The following WSCD2 variants were observed in gnomAD, a reference collection of about 807,000 sequenced individuals.
WSCD2 encodes the protein sialate:O-sulfotransferase 2.
A neutral mutation model predicts 55.7 loss-of-function variants in WSCD2; 28 were observed. That is an observed-to-expected ratio of 0.50 (90% CI 0.37 to 0.69). The LOEUF (loss-of-function observed/expected upper bound fraction) is 0.69, where lower values mean the gene tolerates loss of function less well. WSCD2 is among the 30% of genes least tolerant of loss of function. The probability of loss-of-function intolerance (pLI) is 0.00; values close to 1 mark genes in which losing one functional copy is unlikely to be tolerated. For synonymous variants in WSCD2, 301 were observed against 301.9 expected (o/e 1.00, Z 0.03); for missense variants, 616 against 762.1 (o/e 0.81, Z 2.26).
chr12:108,197,661 T>C (rs1884098456), intron 2 of WSCD2, among the ~76,000 whole-genome samples: 1 of 152,032 alleles, frequency 6.6e-6, no homozygotes, highest in Non-Finnish European at 1.5e-5. Context: ...TATCATCTTA[T>C]AGGTATAGGT....
At chr12:108,169,770 A>G (rs1161059371) in intron 1 of WSCD2, among the ~76,000 whole-genome samples, 1 of 152,176 alleles carries the variant, frequency 6.6e-6, no homozygotes, top group Non-Finnish European at 1.5e-5. Context: ...AAGAAGTCAG[A>G]GAGAGGCTAC....
intron 1 of WSCD2, among the ~76,000 whole-genome samples, chr12:108,165,042 G>A (rs937473753): frequency 6.6e-6 from 1 of 152,204 alleles, no homozygotes; most frequent in African/African-American, 2.4e-5. Context: ...TGGCTGGCAA[G>A]GAGACAGAAG....
chr12:108,196,331 T>C, intron 2 of WSCD2, 117 bp downstream of exon 2: 9 of 1,359,742 alleles, frequency 6.6e-6, no homozygotes, highest in Non-Finnish European at 7.8e-6. Flanking sequence ...CATATCATTG[T>C]AGCTATAAAT....
intron 1 of WSCD2, among the ~76,000 whole-genome samples, chr12:108,179,672 T>C (rs1881410850): frequency 6.6e-6 from 1 of 152,192 alleles, no homozygotes; most frequent in Admixed American, 6.5e-5. Context: ...AAGGAGTGCA[T>C]GTTGCCTCTG....
chr12:108,248,115 G>A lies in WSCD2; in HGVS notation c.1470G>A (p.Gln490=). The A allele has an allele frequency of 6.2e-7, 1 of 1,614,218 alleles. No individual in the cohort carries two copies. The change falls in exon 9 of 9, where the codon CAG becomes CAA. Residue 490 remains glutamine (Q), a synonymous_variant. Coordinates refer to ENST00000547525, the MANE Select transcript of WSCD2 (RefSeq NM_014653.4). The surrounding 1 kb of genome is among the most constrained non-coding windows in gnomAD (Gnocchi z 4.3). ...ACCTGAAGCAGGACCTCTTTGTCCA[G>A]CTGGGCCGGATGGTCAGCCTGCTGG... ...FEDLKQDLFV[Q]LGRMVSLLGV...
In WSCD2 at chr12:108,202,102, C is replaced by T. The variant is rs77133978; in HGVS notation, c.383-4187C>T. ...GATTTGAAGGTGGAGCCCTGAGGAA[C>T]GGCTGAAGAGGATTTTAGCGGGCTG... On this transcript the variant is annotated intron_variant, in intron 2 of 8. Coordinates refer to ENST00000547525, the MANE Select transcript of WSCD2 (RefSeq NM_014653.4). 7.2e-5 allele frequency among the ~76,000 whole-genome samples: 11 copies of T among 152,264 alleles called. No homozygotes were observed. In the East Asian group the frequency reaches 1.5e-3, roughly 21 times the overall value.
intron 7 of WSCD2, among the ~76,000 whole-genome samples, chr12:108,237,472 C>G (rs1889360442): frequency 6.6e-6 from 1 of 152,190 alleles, no homozygotes; most frequent in Non-Finnish European, 1.5e-5. Context: ...GTGTTAAGGA[C>G]AGTGGAGAGG....
chr12:108,210,171 A>G lies in WSCD2; in HGVS notation c.548A>G (p.His183Arg). Residue 183 changes from histidine (H) to arginine (R), a missense_variant, in exon 4 of 9, where the codon CAC (histidine) becomes CGC (arginine). Physicochemically the swap from His to Arg is conservative, Grantham distance 29. Transcript: ENST00000547525. The surrounding 1 kb of genome is among the most constrained non-coding windows in gnomAD (Gnocchi z 4.3). ...LEFGAECYCGHKIQATNVSEA... is the reference protein window; with the variant it reads ...LEFGAECYCGRKIQATNVSEA... ...TTCGGCGCCGAGTGCTACTGCGGCCACAAGATCCAGGCGACGAACGTGAGC... is the reference window on the plus strand; with the variant it reads ...TTCGGCGCCGAGTGCTACTGCGGCCGCAAGATCCAGGCGACGAACGTGAGC... The G allele has an allele frequency of 6.2e-7, 1 of 1,614,116 alleles. No individual in the cohort carries two copies.
At chr12:108,151,150 GC>G (rs1005078768) in intron 1 of WSCD2, among the ~76,000 whole-genome samples, 2 of 152,066 alleles carry the variant, frequency 1.3e-5, no homozygotes, top group Non-Finnish European at 2.9e-5. Flanking sequence ...TGGTCAAACT[GC>G]TGACCTACCA....
chr12:108,175,599 C>G (rs1880725275), intron 1 of WSCD2, among the ~76,000 whole-genome samples: 1 of 152,226 alleles, frequency 6.6e-6, no homozygotes, highest in Admixed American at 6.5e-5. Context: ...AAAATAACCC[C>G]AGTGTTACTG....
intron 1 of WSCD2, among the ~76,000 whole-genome samples, chr12:108,145,533 G>C (rs757812167): frequency 2.6e-5 from 4 of 152,212 alleles, no homozygotes; most frequent in African/African-American, 9.6e-5. Flanking sequence ...ACCCTCATGC[G>C]CTGCTGGTGG....
chr12:108,232,050 G>A (rs1238410029), intron 6 of WSCD2, among the ~76,000 whole-genome samples: 2 of 152,178 alleles, frequency 1.3e-5, no homozygotes, highest in African/African-American at 4.8e-5. Flanking sequence ...ACTATGTCAG[G>A]ACACAGCAAA....
chr12:108,250,171 AGTGTGTGTGTGT>A lies in WSCD2; in HGVS notation c.*1845_*1856del, dbSNP rs372802789. 6.8e-6 allele frequency: 1 copy of A among 146,498 alleles called. No individual in the cohort carries two copies. The highest frequency in any genetic ancestry group is 1.5e-5 in the Non-Finnish European group (1 of 66,590). The allele number at this position is 146,498 out of a possible 1,614,324, so 9.1% of individuals were successfully genotyped here. ...AGGTTCACAAATGGGATGTTTTCCT[AGTGTGTGTGTGT>A]GTGTGTGTGTGTGTGTATGAGAGAG... On this transcript the variant is annotated 3_prime_UTR_variant, in exon 9 of 9. Coordinates refer to ENST00000547525, the MANE Select transcript of WSCD2 (RefSeq NM_014653.4).
rs1324270766 is a variant in WSCD2 at position 108,248,679 on chromosome 12, G to C, written c.*336G>C. 2 of 1,060,822 alleles carry C rather than the reference G, an allele frequency of 1.9e-6. No homozygotes were observed. Among genetic ancestry groups the C allele is most frequent in the Non-Finnish European group, 2.3e-6 (2 of 875,546 alleles). 65.7% of individuals were successfully genotyped at this position (1,060,822 alleles called of 1,614,324 possible). On this transcript the variant is annotated 3_prime_UTR_variant, in exon 9 of 9. Coordinates refer to ENST00000547525, the MANE Select transcript of WSCD2 (RefSeq NM_014653.4). The surrounding 1 kb of genome is among the most constrained non-coding windows in gnomAD (Gnocchi z 4.3). ...GGAGGGAGGGCTCATCCACATCATG[G>C]AGACTTGCTGGATGCCCCATGGCAA...
At chr12:108,216,302 C>G (rs142388373) in intron 4 of WSCD2, among the ~76,000 whole-genome samples, 3 of 152,292 alleles carry the variant, frequency 2.0e-5, no homozygotes, top group African/African-American at 7.2e-5. Flanking sequence ...TGAGGATTAA[C>G]TGAGATATAA....
chr12:108,225,666 G>C (rs949506865), intron 5 of WSCD2, among the ~76,000 whole-genome samples: 1 of 152,132 alleles, frequency 6.6e-6, no homozygotes, highest in East Asian at 1.9e-4. Context: ...GGCCTAAGGA[G>C]CTAGATGTCT....
rs1885998840 is a variant in WSCD2, at chr12:108,210,366, CAA to C, written c.682+63_682+64del. On this transcript the variant is annotated intron_variant, in intron 4 of 8. Coordinates refer to ENST00000547525, the MANE Select transcript of WSCD2 (RefSeq NM_014653.4). The surrounding 1 kb of genome is among the most constrained non-coding windows in gnomAD (Gnocchi z 4.3). The stretch of plus-strand genomic sequence containing the variant: ...TCCCTCAGCTGCAGCCCTTGCCCAC[CAA>C]AGAGTCCCACATGTCTGCCCTGTAC... The C allele has an allele frequency of 5.3e-6, 8 of 1,506,818 alleles. No individual in the cohort carries two copies. The highest frequency in any genetic ancestry group is 4.0e-5 in the Admixed American group (2 of 49,708). The allele number at this position is 1,506,818 out of a possible 1,614,324, so 93.3% of individuals were successfully genotyped here.
intron 1 of WSCD2, among the ~76,000 whole-genome samples, chr12:108,186,601 C>G (rs1288924858): frequency 3.3e-5 from 5 of 152,202 alleles, no homozygotes; most frequent in Admixed American, 1.3e-4. Context: ...TGGAATCGTA[C>G]AGTGTGTAGC....
At chr12:108,204,587 G>A (rs867209849) in intron 2 of WSCD2, among the ~76,000 whole-genome samples, 37 of 152,216 alleles carry the variant, frequency 2.4e-4, no homozygotes, top group African/African-American at 3.4e-4. Flanking sequence ...TGGGAGGGGC[G>A]CGCGCTGTTG....
Sources: gnomAD v4.1 joint callset for allele counts (sites outside exome capture counted in the v4.1 genomes callset) on GRCh38, gnomAD v4.1.1 for gene constraint, Gnocchi (gnomAD v3.1) non-coding constraint, MANE v1.5 for transcripts, NCBI Gene and HGNC (gene_info 2026-07-23, HGNC 2026-07-21) for gene names.